Variants in LIMS2 observed in about 807,000 individuals in gnomAD.
The protein encoded by LIMS2 is LIM zinc finger domain containing 2, also known as LIM and senescent cell antigen-like-containing domain protein 2.
In LIMS2, 30 loss-of-function variants were observed where a neutral mutation model predicts 45.3. That is an observed-to-expected ratio of 0.66 (90% CI 0.50 to 0.90). The LOEUF is 0.90. LIMS2 is among the 40% of genes least tolerant of loss of function. The probability of loss-of-function intolerance (pLI) is 0.00; values close to 1 mark genes in which losing one functional copy is unlikely to be tolerated. For synonymous variants in LIMS2, 173 were observed against 188.0 expected (o/e 0.92, Z 0.65); for missense variants, 485 against 468.7 (o/e 1.03, Z -0.32).
intron 1 of LIMS2, among the ~76,000 whole-genome samples, chr2:127,660,641 C>G (rs1684573105): frequency 6.6e-6 from 1 of 152,152 alleles, no homozygotes; most frequent in African/African-American, 2.4e-5. Context: ...GGATCAAACT[C>G]CAGACATACA....
Position 127,642,125 on chromosome 2 carries a change from AC to A in LIMS2, c.583del (p.Val195SerfsTer69). On this transcript the variant is annotated frameshift_variant, in exon 6 of 10. Coordinates refer to ENST00000355119, the MANE Select transcript of LIMS2 (RefSeq NM_001161403.3). LOFTEE classifies it high-confidence loss of function. This position sits in a 1 kb window ranked among gnomAD's most constrained non-coding sequence, Gnocchi z 5.3. ...YCLPCHDKMG[V>X]PICGACRRPI... ...CCGGCGGCAGGCCCCGCAGATGGGG[AC>A]GCCCATCTTGTCATGGCAGGGCAGG... The A allele has an allele frequency of 2.5e-6, 4 of 1,607,016 alleles. No homozygotes were observed. The highest frequency in any genetic ancestry group is 3.4e-6 in the Non-Finnish European group (4 of 1,176,624).
At chr2:127,680,521 C>T (rs964511701), upstream of LIMS2, among the ~76,000 whole-genome samples, 4 of 152,214 alleles carry the variant, frequency 2.6e-5, no homozygotes, top group South Asian at 4.1e-4. Context: ...TCATTAGACA[C>T]ACCCTCTGAC....
At chr2:127,654,386 G>C in intron 4 of LIMS2, 38 bp downstream of exon 4, 1 of 1,613,222 alleles carries the variant, frequency 6.2e-7, no homozygotes, top group Non-Finnish European at 8.5e-7. Context: ...AGGAAGGGCT[G>C]TGGCCCAGTC....
intron 7 of LIMS2, 140 bp from the exon 8 acceptor site, chr2:127,640,458 C>G (rs998654963): frequency 2.2e-6 from 2 of 929,176 alleles, no homozygotes; most frequent in Non-Finnish European, 3.4e-6. Context: ...AGCTGCAAGG[C>G]TGGGTTGAGG....
chr2:127,639,994 A>G lies in LIMS2; in HGVS notation c.878+76T>C. On this transcript the variant is annotated intron_variant, in intron 9 of 9. Transcript: ENST00000355119. Reference sequence around the variant, plus strand: ...CCCAGGCCAGACTCAGCTGGTGTGCAGGAGGGCTGCTGAGAGGAAGGACCT... The same window carrying G: ...CCCAGGCCAGACTCAGCTGGTGTGCGGGAGGGCTGCTGAGAGGAAGGACCT... 2.8e-6 allele frequency: 4 copies of G among 1,446,900 alleles called. No homozygotes were observed. In the South Asian group the frequency reaches 4.6e-5, roughly 17 times the overall value. 89.6% of individuals were successfully genotyped at this position (1,446,900 alleles called of 1,614,324 possible).
chr2:127,669,669 G>A (rs1323760525), intron 1 of LIMS2, among the ~76,000 whole-genome samples: 1 of 151,974 alleles, frequency 6.6e-6, no homozygotes, highest in Non-Finnish European at 1.5e-5. Context: ...AGTGAGCTGA[G>A]ATTGCACTAC....
At chr2:127,657,365 CG>C in intron 2 of LIMS2, 37 bp downstream of exon 2, 1 of 1,612,574 alleles carries the variant, frequency 6.2e-7, no homozygotes, top group Non-Finnish European at 8.5e-7. Flanking sequence ...GGGCAGACTC[CG>C]AGCTGGGTCT....
Position 127,642,172 on chromosome 2 carries a change from C to A in LIMS2, c.537G>T (p.Glu179Asp). The change falls in exon 6 of 10, where the codon GAG (glutamate) becomes GAT (aspartate). Residue 179 changes from glutamate to aspartate, a missense_variant. Physicochemically the swap from Glu to Asp is conservative, Grantham distance 45. Transcript: ENST00000355119. This position sits in a 1 kb window ranked among gnomAD's most constrained non-coding sequence, Gnocchi z 5.3. ...CGKELTAEAR[E>D]LKGELYCLPC... is the part of the protein sequence containing the mutation. Reference sequence around the variant, plus strand: ...GCAGGCAGTAGAGCTCACCCTTCAGCTCGCGGGCCTCGGCTGTCAGCTCCT... The same window carrying A: ...GCAGGCAGTAGAGCTCACCCTTCAGATCGCGGGCCTCGGCTGTCAGCTCCT... 6.4e-7 allele frequency: 1 copy of A among 1,573,360 alleles called. No individual in the cohort carries two copies. The highest frequency in any genetic ancestry group is 8.7e-7 in the Non-Finnish European group (1 of 1,155,264).
chr2:127,642,610 G>A lies in LIMS2; in HGVS notation c.509+313C>T, dbSNP rs987762047. On this transcript the variant is annotated intron_variant, in intron 5 of 9. Coordinates refer to ENST00000355119, the MANE Select transcript of LIMS2 (RefSeq NM_001161403.3). This position sits in a 1 kb window ranked among gnomAD's most constrained non-coding sequence, Gnocchi z 5.3. ...GCACCAAGCCCACTCCCGGTCTCTT[G>A]CCCTGCCCCCTCAGGTCCCTTCCAC... 2 of 411,488 alleles carry A rather than the reference G, an allele frequency of 4.9e-6. No individual in the cohort carries two copies. Among genetic ancestry groups the A allele is most frequent in the African/African-American group, 4.0e-5 (2 of 49,570 alleles). The allele number at this position is 411,488 out of a possible 1,614,324, so 25.5% of individuals were successfully genotyped here.
chr2:127,657,346 G>A (rs201647738), intron 2 of LIMS2, 57 bp downstream of exon 2: 100 of 1,602,884 alleles, frequency 6.2e-5, no homozygotes, highest in East Asian at 1.6e-4. Flanking sequence ...CGGCCCACCC[G>A]CTCATAGAGG....
rs573806525 is a variant in LIMS2 at position 127,672,620 on chromosome 2, C to T, written c.11+2394G>A. On this transcript the variant is annotated intron_variant, in intron 1 of 9. Transcript: ENST00000355119. This position sits in a 1 kb window ranked among gnomAD's most constrained non-coding sequence, Gnocchi z 4.9. ...CCAGAACCCTGAGTCAGCCTCCTCTCCTCCACCCGCTCAGCCACCCAGGAG... is the reference window on the plus strand; with the variant it reads ...CCAGAACCCTGAGTCAGCCTCCTCTTCTCCACCCGCTCAGCCACCCAGGAG... Among the ~76,000 whole-genome samples the T allele has an allele frequency of 6.8e-4, 103 of 152,342 alleles. No individual in the cohort carries two copies. Among genetic ancestry groups the T allele is most frequent in the Non-Finnish European group, 1.3e-3 (87 of 68,036 alleles).
chr2:127,665,492 T>C (rs1027906553), intron 1 of LIMS2, among the ~76,000 whole-genome samples: 2 of 152,206 alleles, frequency 1.3e-5, no homozygotes, highest in African/African-American at 4.8e-5. Context: ...ACGACAAGCA[T>C]TGGGTACAGT....
At chr2:127,673,757 G>C (rs766463765) in intron 1 of LIMS2, 3 of 1,550,820 alleles carry the variant, frequency 1.9e-6, no homozygotes, top group Non-Finnish European at 1.7e-6. Context: ...GAAAACAGGA[G>C]AGTGAGAACC....
intron 1 of LIMS2, among the ~76,000 whole-genome samples, chr2:127,665,821 A>G (rs1684969980): frequency 6.6e-6 from 1 of 152,214 alleles, no homozygotes; most frequent in African/African-American, 2.4e-5. Context: ...AGTTTTCTGT[A>G]AGGAGGAAAC....
At chr2:127,673,640 C>T in intron 1 of LIMS2, 7 of 1,546,196 alleles carry the variant, frequency 4.5e-6, no homozygotes, top group Non-Finnish European at 5.3e-6. Flanking sequence ...TTCTCCTCGA[C>T]ATCCCTCCTG....
At chr2:127,676,777 A>G (rs1370090358), upstream of LIMS2, among the ~76,000 whole-genome samples, 1 of 152,178 alleles carries the variant, frequency 6.6e-6, no homozygotes, top group Non-Finnish European at 1.5e-5. Context: ...TACAGGGAGA[A>G]AGGCTTTCCA....
In LIMS2 at chr2:127,664,412, T is replaced by G. The variant is rs560148948; in HGVS notation, c.12-6850A>C. On this transcript the variant is annotated intron_variant, in intron 1 of 9. Transcript: ENST00000355119. This position sits in a 1 kb window ranked among gnomAD's most constrained non-coding sequence, Gnocchi z 5.5. ...ATGGCGCGGGGCAGCCGCCTTGAGG[T>G]CGCGGGCGCGGGCCGCCTGGTGCAG... is the stretch of plus-strand genomic sequence containing the variant. The G allele has an allele frequency of 4.8e-4, 579 of 1,195,788 alleles. 2 individuals carry two copies. In the African/African-American group the frequency reaches 8.6e-3, roughly 18 times the overall value. The allele number at this position is 1,195,788 out of a possible 1,614,324, so 74.1% of individuals were successfully genotyped here.
chr2:127,674,621 C>A, intron 1 of LIMS2: 1 of 985,046 alleles, frequency 1.0e-6, no homozygotes, highest in Non-Finnish European at 1.2e-6. Context: ...TGACACTCAC[C>A]GGGATCGGGG....
chr2:127,651,141 C>A, intron 4 of LIMS2: 1 of 1,613,286 alleles, frequency 6.2e-7, no homozygotes, highest in South Asian at 1.1e-5. Flanking sequence ...CATTGTGCAC[C>A]CGGTCAAGTC....
Sources: allele counts gnomAD v4.1 joint callset (sites outside exome capture counted in the v4.1 genomes callset), GRCh38; gene constraint gnomAD v4.1.1; non-coding constraint Gnocchi (gnomAD v3.1); transcripts MANE v1.5; gene names NCBI Gene and HGNC (gene_info 2026-07-23, HGNC 2026-07-21).